DONSON: variants seen among roughly 807,000 people sequenced by gnomAD.
DONSON encodes the protein DNA replication fork stabilization factor DONSON.
In DONSON, 43 loss-of-function variants were observed where a neutral mutation model predicts 62.1. That is an observed-to-expected ratio of 0.69 (90% CI 0.54 to 0.89). The LOEUF is 0.89. Ranked by LOEUF, DONSON falls within the 40% of genes least tolerant of loss-of-function variation. DONSON has a pLI of 0.00. For synonymous variants in DONSON, 266 were observed against 264.6 expected, an observed-to-expected ratio of 1.01 and a Z score of -0.05; for missense variants, 696 against 697.5, an observed-to-expected ratio of 1.00 and a Z score of 0.03.
At chr21:33,578,578 A>G in intron 9 of DONSON, 134 bp from the exon 10 acceptor site, 1 of 1,040,784 alleles carries the variant, frequency 9.6e-7, no homozygotes, top group South Asian at 2.6e-5. Flanking sequence ...AGTTGATGCT[A>G]AGAATTTTTG....
intron 1 of DONSON, 39 bp from the exon 2 acceptor site, chr21:33,587,641 G>T: frequency 7.0e-7 from 1 of 1,418,692 alleles, no homozygotes; most frequent in Non-Finnish European, 9.7e-7. Context: ...TTTAAAGGAT[G>T]CTGAAGTTTG....
intron 9 of DONSON, among the ~76,000 whole-genome samples, chr21:33,579,015 G>A (rs2145898272): frequency 6.6e-6 from 1 of 152,102 alleles, no homozygotes; most frequent in Non-Finnish European, 1.5e-5. Context: ...GCACATGCCT[G>A]TAATCTCAGC....
At chr21:33,582,609 G>C in intron 5 of DONSON, among the ~76,000 whole-genome samples, 2 of 152,250 alleles carry the variant, frequency 1.3e-5, no homozygotes, top group Middle Eastern at 6.8e-3. Context: ...ATTTCTAGAA[G>C]AGTATATTCA....
At position 33,583,478 on chromosome 21, in the gene DONSON, A is replaced by G. The variant is rs776365674; in HGVS notation, c.964+10T>C. ...AGTATAGTATTCTCACTTTAAACCT[A>G]AACTTTTACCTTCATTTCTCATAGC... On this transcript the variant is annotated intron_variant, in intron 5 of 9. Transcript: ENST00000303071. 1.2e-6 allele frequency: 2 copies of G among 1,612,390 alleles called. No individual in the cohort carries two copies. Among genetic ancestry groups the G allele is most frequent in the African/African-American group, 2.7e-5 (2 of 74,798 alleles).
Position 33,578,194 on chromosome 21 carries a change from GTAAAAGT to G in DONSON, c.*106_*112del. The stretch of plus-strand genomic sequence containing the variant: ...ATTTAAAACCTTAGATGCTACTGTA[GTAAAAGT>G]TATGTTTATAAACATTTCAGTATAT... On this transcript the variant is annotated 3_prime_UTR_variant, in exon 10 of 10. Coordinates refer to ENST00000303071, the MANE Select transcript of DONSON (RefSeq NM_017613.4). 1.7e-6 allele frequency: 2 copies of G among 1,197,144 alleles called. No individual in the cohort carries two copies. The highest frequency in any genetic ancestry group is 1.2e-6 in the Non-Finnish European group (1 of 863,358). The allele number at this position is 1,197,144 out of a possible 1,614,324, so 74.2% of individuals were successfully genotyped here. A position where few individuals can be genotyped will look rare whatever the true frequency, so the allele number is the denominator to read the frequency against.
chr21:33,581,897 C>A, intron 7 of DONSON, 54 bp downstream of exon 7: 1 of 1,505,822 alleles, frequency 6.6e-7, no homozygotes, highest in Non-Finnish European at 9.2e-7. Flanking sequence ...TTAAACTTCT[C>A]ACTAACGTCA....
At chr21:33,579,968 G>GGAGTT in intron 8 of DONSON, among the ~76,000 whole-genome samples, 1 of 151,952 alleles carries the variant, frequency 6.6e-6, no homozygotes, top group Non-Finnish European at 1.5e-5. Context: ...GCCAAGGTGG[G>GGAGTT]CAGATCACTT....
Position 33,586,256 on chromosome 21 carries a change from A to C in DONSON, c.403-75T>G, listed in dbSNP as rs920184198. ...TTCAACCTAAAGATTTTATCAGCTA[A>C]CATGATCACTGAAAAGTAAAAATCA... On this transcript the variant is annotated intron_variant, in intron 2 of 9. Coordinates refer to ENST00000303071, the MANE Select transcript of DONSON (RefSeq NM_017613.4). 3.4e-6 allele frequency: 4 copies of C among 1,179,220 alleles called. No homozygotes were observed. The African/African-American group carries it at 6.1e-5, about 18-fold the overall frequency. The allele number at this position is 1,179,220 out of a possible 1,614,324, so 73.0% of individuals were successfully genotyped here.
Position 33,577,576 on chromosome 21 carries a change from TA to T in DONSON, c.*730del, listed in dbSNP as rs2086431036. The T allele has an allele frequency of 6.7e-6, 1 of 150,056 alleles. No homozygotes were observed. The allele number at this position is 150,056 out of a possible 1,614,324, so 9.3% of individuals were successfully genotyped here. A position where few individuals can be genotyped will look rare whatever the true frequency, so the allele number is the denominator to read the frequency against. Reference sequence around the variant, plus strand: ...TTTTGATTTTTAAGCACTTTTATTTTAAAAATGTGAATTATACAGTCCCCCC... The same window carrying T: ...TTTTGATTTTTAAGCACTTTTATTTTAAAATGTGAATTATACAGTCCCCCC... On this transcript the variant is annotated 3_prime_UTR_variant, in exon 10 of 10. Transcript: ENST00000303071.
rs964516394 is a variant in DONSON at position 33,588,593 on chromosome 21, C to T, written c.49G>A (p.Glu17Lys). 3.2e-6 allele frequency: 4 copies of T among 1,251,476 alleles called. No homozygotes were observed. The highest frequency in any genetic ancestry group is 3.0e-4 in the Middle Eastern group (1 of 3,288). 77.5% of individuals were successfully genotyped at this position (1,251,476 alleles called of 1,614,324 possible). A position where few individuals can be genotyped will look rare whatever the true frequency, so the allele number is the denominator to read the frequency against. ...CTTTTCCGTCGGAGCCGCACTACCT[C>T]GGGCGGCTTTCGGAAGCCCGGTGAG... ...GYSPGFRKPPEVVRLRRKRAR... is the reference protein window; with the variant it reads ...GYSPGFRKPPKVVRLRRKRAR... The change falls in exon 1 of 10, where the codon GAG becomes AAG. Residue 17 changes from glutamate to lysine, a missense_variant. Transcript: ENST00000303071.
rs1569076179 is a variant in DONSON, at chr21:33,583,667, C to G, written c.786-1G>C. The G allele has an allele frequency of 1.3e-6, 2 of 1,574,796 alleles. No individual in the cohort carries two copies. Among genetic ancestry groups the G allele is most frequent in the Non-Finnish European group, 1.7e-6 (2 of 1,161,622 alleles). On this transcript the variant is annotated splice_acceptor_variant, in intron 4 of 9. Coordinates refer to ENST00000303071, the MANE Select transcript of DONSON (RefSeq NM_017613.4). LOFTEE classifies it high-confidence loss of function. The stretch of plus-strand genomic sequence containing the variant: ...ATATAGAGAAGTAAAGCTCACAGAC[C>G]TATGAAGTAAAAAAATTTTCTTAAG...
intron 3 of DONSON, among the ~76,000 whole-genome samples, chr21:33,585,657 CA>C: frequency 6.6e-6 from 1 of 152,056 alleles, no homozygotes; most frequent in South Asian, 2.1e-4. Flanking sequence ...CAATCCCACC[CA>C]ATTGCTTTTC....
chr21:33,582,404 A>G (rs2086523550), intron 5 of DONSON, among the ~76,000 whole-genome samples, 158 bp from the exon 6 acceptor site: 1 of 152,264 alleles, frequency 6.6e-6, no homozygotes, highest in Admixed American at 6.5e-5. Flanking sequence ...ACAAACATGC[A>G]TAAAACGTAT....
In DONSON at chr21:33,583,576, G is replaced by A. The variant is rs779803447; in HGVS notation, c.876C>T (p.Phe292=). The change falls in exon 5 of 10, where the codon TTC becomes TTT. Residue 292 remains phenylalanine, a synonymous_variant. Coordinates refer to ENST00000303071, the MANE Select transcript of DONSON (RefSeq NM_017613.4). ...YVCTYQFTVL[F]RAAGLAGSDL... ...CACTTCCAGCTAATCCTGCTGCTCGGAACAGGACAGTAAACTGATAGGTAC... is the reference window on the plus strand; with the variant it reads ...CACTTCCAGCTAATCCTGCTGCTCGAAACAGGACAGTAAACTGATAGGTAC... 2 of 1,613,898 alleles carry A rather than the reference G, an allele frequency of 1.2e-6. No homozygotes were observed. Among genetic ancestry groups the A allele is most frequent in the South Asian group, 2.2e-5 (2 of 91,072 alleles).
chr21:33,580,172 T>C (rs1248965131), intron 8 of DONSON, among the ~76,000 whole-genome samples: 2 of 151,744 alleles, frequency 1.3e-5, no homozygotes, highest in African/African-American at 4.8e-5. Context: ...GAGTTTGCAG[T>C]GAGCCAAAAT....
At chr21:33,580,546 A>G (rs970685580) in intron 8 of DONSON, among the ~76,000 whole-genome samples, 5 of 135,236 alleles carry the variant, frequency 3.7e-5, no homozygotes, top group African/African-American at 1.4e-4. Flanking sequence ...CGAGAGGCTG[A>G]GGCAGGAATT....
At chr21:33,581,639 A>T in intron 7 of DONSON, 139 bp from the exon 8 acceptor site, 1 of 749,750 alleles carries the variant, frequency 1.3e-6, no homozygotes, top group Admixed American at 2.9e-5. Flanking sequence ...TTACCGAATC[A>T]TAAGGCATAT....
intron 6 of DONSON, 49 bp from the exon 7 acceptor site, chr21:33,582,104 G>A (rs2086518395): frequency 6.2e-7 from 1 of 1,611,190 alleles, no homozygotes; most frequent in African/African-American, 1.3e-5. Context: ...CTGTTCCTGT[G>A]CAAATCTATT....
chr21:33,588,181 G>T (rs1006322372), intron 1 of DONSON, 140 bp downstream of exon 1: 5 of 659,974 alleles, frequency 7.6e-6, no homozygotes, highest in African/African-American at 7.5e-5. Context: ...CCAGGGCGGG[G>T]TACCCTAAGG....
Sources: gnomAD v4.1 joint callset for allele counts (sites outside exome capture counted in the v4.1 genomes callset) on GRCh38, gnomAD v4.1.1 for gene constraint, MANE v1.5 for transcripts, NCBI Gene and HGNC (gene_info 2026-07-23, HGNC 2026-07-21) for gene names.